Variants in ADGB observed in about 807,000 individuals in gnomAD.
ADGB encodes calpain-7-like protein.
Under a neutral mutation model 210.5 loss-of-function variants are expected in ADGB, and 172 were observed. That is an observed-to-expected ratio of 0.82 (90% confidence interval 0.72 to 0.93). The LOEUF is 0.93. ADGB is among the 40% of genes least tolerant of loss of function. ADGB has a pLI of 0.00. For missense variants in ADGB, 2,025 were observed against 1,964.8 expected (o/e 1.03, Z -0.58); for synonymous variants, 658 against 662.7 (o/e 0.99, Z 0.11).
intron 29 of ADGB, 76 bp from the exon 30 acceptor site, chr6:146,781,944 T>G (rs2114643830): frequency 3.7e-6 from 4 of 1,080,192 alleles, no homozygotes; most frequent in Non-Finnish European, 4.9e-6. Context: ...GTCCCTGAGT[T>G]GATTCCCTTG....
chr6:146,768,182 C>G (rs1049243679), intron 28 of ADGB, among the ~76,000 whole-genome samples: 2 of 152,308 alleles, frequency 1.3e-5, no homozygotes, highest in African/African-American at 4.8e-5. Context: ...TATCCTCAAT[C>G]TGCCTTTAAA....
At chr6:146,708,003 A>G (rs1776600370) in intron 13 of ADGB, among the ~76,000 whole-genome samples, 1 of 151,946 alleles carries the variant, frequency 6.6e-6, no homozygotes, top group South Asian at 2.1e-4. Context: ...TTGTAACTTT[A>G]TGAATACCAT....
At chr6:146,703,339 A>G (rs962122558) in intron 13 of ADGB, among the ~76,000 whole-genome samples, 4 of 151,914 alleles carry the variant, frequency 2.6e-5, no homozygotes, top group African/African-American at 9.7e-5. Flanking sequence ...AATTGAGCTG[A>G]TTAATATATG....
intron 13 of ADGB, among the ~76,000 whole-genome samples, chr6:146,712,921 C>A (rs780592018): frequency 1.3e-5 from 2 of 152,298 alleles, no homozygotes; most frequent in South Asian, 4.1e-4. Context: ...TCCCCTCCCC[C>A]CAGCCCATGA....
intron 1 of ADGB, among the ~76,000 whole-genome samples, chr6:146,617,887 C>T (rs1335721080): frequency 6.6e-6 from 1 of 151,894 alleles, no homozygotes; most frequent in African/African-American, 2.4e-5. Context: ...AGCACCAACC[C>T]CTGCACAGTA....
chr6:146,615,884 A>G (rs142300412), intron 1 of ADGB, among the ~76,000 whole-genome samples: 2 of 152,264 alleles, frequency 1.3e-5, no homozygotes, highest in African/African-American at 2.4e-5. Context: ...GGAAGTGCAT[A>G]TATCTTTTTG....
intron 27 of ADGB, among the ~76,000 whole-genome samples, chr6:146,758,979 G>A (rs1777449510): frequency 6.6e-6 from 1 of 151,840 alleles, no homozygotes; most frequent in Non-Finnish European, 1.5e-5. Flanking sequence ...CTATTAATTT[G>A]TGTCTATGTG....
intron 9 of ADGB, among the ~76,000 whole-genome samples, chr6:146,684,585 A>G (rs921216136): frequency 4.6e-5 from 7 of 152,102 alleles, no homozygotes; most frequent in African/African-American, 1.7e-4. Flanking sequence ...AGGAATAATT[A>G]TTTTGCTGCA....
chr6:146,777,111 T>A (rs1187481324), intron 29 of ADGB, among the ~76,000 whole-genome samples: 2 of 152,054 alleles, frequency 1.3e-5, no homozygotes, highest in African/African-American at 2.4e-5. Flanking sequence ...GGGCACCAAG[T>A]AATTTATAAA....
intron 12 of ADGB, among the ~76,000 whole-genome samples, chr6:146,699,632 C>T (rs1007059353): frequency 6.6e-6 from 1 of 152,088 alleles, no homozygotes; most frequent in African/African-American, 2.4e-5. Flanking sequence ...CTAGGCAGCC[C>T]TCAAGCCAGC....
intron 26 of ADGB, among the ~76,000 whole-genome samples, chr6:146,747,457 GA>G (rs1186064472): frequency 1.3e-5 from 2 of 152,168 alleles, no homozygotes; most frequent in Non-Finnish European, 2.9e-5. Context: ...GAGTGGTGAG[GA>G]AGGTGAAGAG....
rs1280356544 is a variant in ADGB, at chr6:146,642,559, T to C, written c.238-2214T>C. Among the ~76,000 whole-genome samples, 4 of 151,890 alleles carry C rather than the reference T, an allele frequency of 2.6e-5. No individual in the cohort carries two copies. The East Asian group carries it at 7.7e-4, about 29-fold the overall frequency. ...CTATGGATACATATACACCATGTGG[T>C]ACGTATATACTATGAAACCATAAAA... On this transcript the variant is annotated intron_variant, in intron 2 of 35. Coordinates refer to ENST00000397944, the MANE Select transcript of ADGB (RefSeq NM_024694.4).
Position 146,745,922 on chromosome 6 carries a change from A to C in ADGB, c.3178A>C (p.Lys1060Gln). The C allele has an allele frequency of 1.3e-6, 2 of 1,538,824 alleles. No homozygotes were observed. The highest frequency in any genetic ancestry group is 1.8e-6 in the Non-Finnish European group (2 of 1,140,102). ...VVPYLYTKNKKGYTFVAEAFT... is the reference protein window; with the variant it reads ...VVPYLYTKNKQGYTFVAEAFT... ...TCTGTGTAATTTGTCTTTCTTATAG[A>C]AGGGATACACTTTTGTGGCGGAAGC... is the stretch of plus-strand genomic sequence containing the variant. Residue 1060 changes from lysine (K) to glutamine (Q), a missense_variant and splice_region_variant, in exon 26 of 36, where the codon AAG becomes CAG. Coordinates refer to ENST00000397944, the MANE Select transcript of ADGB (RefSeq NM_024694.4).
At chr6:146,641,396 T>C (rs1279525593) in intron 2 of ADGB, among the ~76,000 whole-genome samples, 1 of 151,410 alleles carries the variant, frequency 6.6e-6, no homozygotes, top group African/African-American at 2.4e-5. Context: ...TAGAAAAAAC[T>C]ATTTTAAACT....
At position 146,666,811 on chromosome 6, in the gene ADGB, T is replaced by G; in HGVS notation, c.753-5T>G. On this transcript the variant is annotated splice_polypyrimidine_tract_variant and splice_region_variant and intron_variant, in intron 6 of 35. Coordinates refer to ENST00000397944, the MANE Select transcript of ADGB (RefSeq NM_024694.4). The stretch of plus-strand genomic sequence containing the variant: ...ACCTGTAACATTATGCATGTTCTTT[T>G]TTAGCATCCATGTAGCAGACAGGAG... The G allele has an allele frequency of 6.5e-7, 1 of 1,542,984 alleles. No homozygotes were observed. Among genetic ancestry groups the G allele is most frequent in the African/African-American group, 1.4e-5 (1 of 72,888 alleles).
intron 27 of ADGB, among the ~76,000 whole-genome samples, chr6:146,753,766 T>C (rs1777360743): frequency 6.6e-6 from 1 of 151,956 alleles, no homozygotes; most frequent in Non-Finnish European, 1.5e-5. Context: ...TTGGCCATGA[T>C]GTTTTAACAT....
At chr6:146,706,845 G>GTTT (rs34520729) in intron 13 of ADGB, among the ~76,000 whole-genome samples, 9,698 of 100,062 alleles carry the variant, frequency 0.097, 467 homozygotes, top group East Asian at 0.21. Flanking sequence ...TCAGCTTAGT[G>GTTT]TTTTTTTTTT....
At chr6:146,802,082 A>G in intron 35 of ADGB, 71 bp downstream of exon 35, 1 of 1,030,650 alleles carries the variant, frequency 9.7e-7, no homozygotes, top group South Asian at 2.5e-5. Context: ...AAATTATATA[A>G]TTAAATAATA....
Position 146,717,562 on chromosome 6 carries a change from G to C in ADGB, c.1955G>C (p.Ser652Thr), listed in dbSNP as rs763364872. The stretch of plus-strand genomic sequence containing the variant: ...AATATATATATTTTCCACAAGCCAA[G>C]TTCATATTGCCTTAACTTTCAAAAA... ...FQNIYIFHKP[S>T]SYCLNFQKSE... Residue 652 changes from serine (S) to threonine (T), a missense_variant, in exon 16 of 36, where the codon AGT becomes ACT. Coordinates refer to ENST00000397944, the MANE Select transcript of ADGB (RefSeq NM_024694.4). The C allele has an allele frequency of 6.4e-6, 9 of 1,408,058 alleles. No individual in the cohort carries two copies. Among genetic ancestry groups the C allele is most frequent in the Middle Eastern group, 1.8e-4 (1 of 5,644 alleles). The allele number at this position is 1,408,058 out of a possible 1,614,324, so 87.2% of individuals were successfully genotyped here.
Sources: gnomAD v4.1 joint callset for allele counts (sites outside exome capture counted in the v4.1 genomes callset) on GRCh38, gnomAD v4.1.1 for gene constraint, MANE v1.5 for transcripts, NCBI Gene and HGNC (gene_info 2026-07-23, HGNC 2026-07-21) for gene names.